Variants in RFFL observed in about 807,000 individuals in gnomAD.
RFFL encodes the protein E3 ubiquitin-protein ligase rififylin.
A neutral mutation model predicts 40.4 loss-of-function variants in RFFL; 16 were observed. The ratio of observed to expected loss-of-function variants is 0.40; its 90% CI spans 0.27 to 0.60. RFFL has a LOEUF of 0.60. RFFL is among the 20% of genes least tolerant of loss of function. The probability of loss-of-function intolerance (pLI) is 0.47; values close to 1 mark genes in which losing one functional copy is unlikely to be tolerated. For missense variants in RFFL, 367 were observed against 451.7 expected (o/e 0.81, Z 1.70); for synonymous variants, 154 against 167.9 (o/e 0.92, Z 0.64).
intron 1 of RFFL, among the ~76,000 whole-genome samples, chr17:35,054,128 C>G (rs1728668001): frequency 6.6e-6 from 1 of 152,172 alleles, no homozygotes; most frequent in Non-Finnish European, 1.5e-5. Context: ...ATAATACTTT[C>G]CCATACTTCT....
In RFFL at chr17:35,012,093, G is replaced by C; in HGVS notation, c.967C>G (p.Pro323Ala). Reference protein sequence around the residue: ...ENLCKICMDSPIDCVLLECGH... With the variant: ...ENLCKICMDSAIDCVLLECGH... ...CACTCCAGAAGAACACAGTCAATGG[G>C]TGAGTCCATGCAGATCTTACACAGG... The change falls in exon 7 of 7, where the codon CCC becomes GCC. Residue 323 changes from proline to alanine, a missense_variant. Coordinates refer to ENST00000394597, the MANE Select transcript of RFFL (RefSeq NM_001017368.2). 6.2e-7 allele frequency: 1 copy of C among 1,614,176 alleles called. No individual in the cohort carries two copies. The highest frequency in any genetic ancestry group is 8.5e-7 in the Non-Finnish European group (1 of 1,180,034).
intron 6 of RFFL, among the ~76,000 whole-genome samples, chr17:35,014,054 T>TC (rs1229258362): frequency 6.6e-6 from 1 of 152,192 alleles, no homozygotes; most frequent in Non-Finnish European, 1.5e-5. Context: ...CTTAGAACGT[T>TC]CTCTCTTGGA....
chr17:35,067,575 A>G (rs2091326861), upstream of RFFL, among the ~76,000 whole-genome samples: 1 of 149,126 alleles, frequency 6.7e-6, no homozygotes, highest in African/African-American at 2.5e-5. Context: ...CTCCTGCCTC[A>G]GCCTCTCAAG....
chr17:35,056,936 CAG>C (rs1379182476), intron 1 of RFFL, among the ~76,000 whole-genome samples: 2 of 148,116 alleles, frequency 1.4e-5, no homozygotes, highest in East Asian at 4.0e-4. Flanking sequence ...TTTTTTGAGA[CAG>C]AGTTTTCACT....
At chr17:35,064,398 C>T (rs553817530), upstream of RFFL, among the ~76,000 whole-genome samples, 1 of 152,060 alleles carries the variant, frequency 6.6e-6, no homozygotes, top group Non-Finnish European at 1.5e-5. Flanking sequence ...ATCACCTTAA[C>T]ACTTGCTCTG....
chr17:35,062,541 C>T (rs978551063), intron 1 of RFFL, among the ~76,000 whole-genome samples: 1 of 152,154 alleles, frequency 6.6e-6, no homozygotes, highest in Non-Finnish European at 1.5e-5. Context: ...CCCTGATTCT[C>T]AATACATACT....
At chr17:35,021,876 TCTC>T in intron 2 of RFFL, 95 bp from the exon 3 acceptor site, 1 of 1,169,246 alleles carries the variant, frequency 8.6e-7, no homozygotes, top group Non-Finnish European at 1.3e-6. Context: ...CCCAGCAGGA[TCTC>T]CTCCAGTCAC....
intron 1 of RFFL, among the ~76,000 whole-genome samples, chr17:35,054,944 G>C (rs1450796014): frequency 6.7e-6 from 1 of 150,038 alleles, no homozygotes; most frequent in Non-Finnish European, 1.5e-5. Flanking sequence ...TTGAGATTGA[G>C]TCTTGCTTTG....
Position 35,008,787 on chromosome 17 carries a change from A to C in RFFL, c.*3181T>G, listed in dbSNP as rs2090915196. The C allele has an allele frequency of 6.6e-6, 1 of 151,878 alleles. No homozygotes were observed. The allele number at this position is 151,878 out of a possible 1,614,324, so 9.4% of individuals were successfully genotyped here. ...GCTGGGACTACAGGCACCCGCCACC[A>C]CGCCTGGCTAATTTTTTGTATTTTT... is the stretch of plus-strand genomic sequence containing the variant. On this transcript the variant is annotated 3_prime_UTR_variant, in exon 7 of 7. Transcript: ENST00000394597.
chr17:35,021,715 G>C lies in RFFL; in HGVS notation c.247C>G (p.Arg83Gly), dbSNP rs765841891. 6.2e-7 allele frequency: 1 copy of C among 1,614,092 alleles called. No individual in the cohort carries two copies. Among genetic ancestry groups the C allele is most frequent in the Non-Finnish European group, 8.5e-7 (1 of 1,180,050 alleles). Reference protein sequence around the residue: ...TCSSQVGNGPRLCLLCQRFRA... With the variant: ...TCSSQVGNGPGLCLLCQRFRA... ...AACCGTTGGCAGAGAAGGCAGAGGC[G>C]GGGCCCATTCCCTACTTGGCTCGAA... The change falls in exon 3 of 7, where the codon CGC becomes GGC. Residue 83 changes from arginine (R) to glycine (G), a missense_variant. Coordinates refer to ENST00000394597, the MANE Select transcript of RFFL (RefSeq NM_001017368.2).
chr17:35,079,224 C>T (rs1322658713), intron 1 of RFFL, among the ~76,000 whole-genome samples: 1 of 151,984 alleles, frequency 6.6e-6, no homozygotes, highest in African/African-American at 2.4e-5. Context: ...GGGTTTCACC[C>T]TGTTGGCCAG....
intron 1 of RFFL, among the ~76,000 whole-genome samples, chr17:35,038,386 C>A (rs141754348): frequency 6.6e-6 from 1 of 151,680 alleles, no homozygotes; most frequent in Non-Finnish European, 1.5e-5. Context: ...TGTGTGTGTG[C>A]GCGCGCGTGC....
At chr17:35,065,627 T>C (rs2091317203), upstream of RFFL, among the ~76,000 whole-genome samples, 1 of 148,592 alleles carries the variant, frequency 6.7e-6, no homozygotes, top group African/African-American at 2.5e-5. Flanking sequence ...ATACGAACTA[T>C]ATAAAGAGCA....
intron 1 of RFFL, among the ~76,000 whole-genome samples, chr17:35,035,667 A>G (rs1172034553): frequency 6.7e-6 from 1 of 149,132 alleles, no homozygotes; most frequent in Non-Finnish European, 1.5e-5. Context: ...TTATATCTAT[A>G]TATATATTTT....
In RFFL at chr17:35,011,719, C is replaced by T. The variant is rs2090939627; in HGVS notation, c.*249G>A. On this transcript the variant is annotated 3_prime_UTR_variant, in exon 7 of 7. Transcript: ENST00000394597. Reference sequence around the variant, plus strand: ...TGTTCATCAGTTACCATCATCACTCCAAGATCACTGAACCAAGAACATACC... The same window carrying T: ...TGTTCATCAGTTACCATCATCACTCTAAGATCACTGAACCAAGAACATACC... 2.1e-6 allele frequency: 1 copy of T among 481,386 alleles called. No individual in the cohort carries two copies. Among genetic ancestry groups the T allele is most frequent in the Non-Finnish European group, 3.8e-6 (1 of 265,222 alleles). The allele number at this position is 481,386 out of a possible 1,614,324, so 29.8% of individuals were successfully genotyped here. A position where few individuals can be genotyped will look rare whatever the true frequency, so the allele number is the denominator to read the frequency against.
intron 1 of RFFL, among the ~76,000 whole-genome samples, chr17:35,033,939 G>A (rs1243016573): frequency 1.3e-5 from 2 of 151,784 alleles, no homozygotes; most frequent in Admixed American, 6.6e-5. Flanking sequence ...TCAGGAGATC[G>A]AGACCATCCT....
intron 1 of RFFL, among the ~76,000 whole-genome samples, chr17:35,061,098 T>C (rs1277139643): frequency 1.3e-5 from 2 of 150,682 alleles, no homozygotes; most frequent in Admixed American, 1.3e-4. Flanking sequence ...GGAGATGAGA[T>C]GGTTAACAGC....
rs1384676256 is a variant in RFFL at position 35,012,025 on chromosome 17, A to G, written c.1035T>C (p.Asn345=). Reference sequence around the variant, plus strand: ...CATACTGCCGGCAGATGGGACATTCATTCATGCGCTTGCCACACTTGGTAC... The same window carrying G: ...CATACTGCCGGCAGATGGGACATTCGTTCATGCGCTTGCCACACTTGGTAC... The part of the protein sequence containing the change: ...VTCTKCGKRM[N]ECPICRQYVI... Residue 345 remains asparagine, a synonymous_variant, in exon 7 of 7, where the codon AAT becomes AAC. Transcript: ENST00000394597. The G allele has an allele frequency of 2.5e-6, 4 of 1,614,174 alleles. No individual in the cohort carries two copies. Among genetic ancestry groups the G allele is most frequent in the Non-Finnish European group, 1.7e-6 (2 of 1,180,046 alleles).
At chr17:35,080,928 T>C (rs932701228) in intron 1 of RFFL, among the ~76,000 whole-genome samples, 1 of 152,222 alleles carries the variant, frequency 6.6e-6, no homozygotes, top group African/African-American at 2.4e-5. Flanking sequence ...ACAGAAAATG[T>C]AGGTTTAACT....
Sources: allele counts gnomAD v4.1 joint callset (sites outside exome capture counted in the v4.1 genomes callset), GRCh38; gene constraint gnomAD v4.1.1; transcripts MANE v1.5; gene names NCBI Gene and HGNC (gene_info 2026-07-23, HGNC 2026-07-21).